RELN: variants seen among roughly 807,000 people sequenced by gnomAD.
RELN encodes reelin.
Under a neutral mutation model 427.6 loss-of-function variants are expected in RELN, and 108 were observed. The ratio of observed to expected loss-of-function variants is 0.25; its 90% CI spans 0.22 to 0.30. RELN has a LOEUF of 0.30. Among genes scored for constraint, RELN ranks in the 10% least tolerant of loss-of-function variants. RELN has a pLI of 1.00. For synonymous variants in RELN, 1,524 were observed against 1,513.4 expected (o/e 1.01, Z -0.16); for missense variants, 3,715 against 4,302.8 (o/e 0.86, Z 3.82).
chr7:103,568,562 C>G (rs577533794), intron 31 of RELN, among the ~76,000 whole-genome samples: 1 of 152,108 alleles, frequency 6.6e-6, no homozygotes, highest in Non-Finnish European at 1.5e-5. Flanking sequence ...AAAATGGAAG[C>G]AAGGCTGTTT....
chr7:103,495,793 T>G lies in RELN; in HGVS notation c.9299A>C (p.Lys3100Thr), dbSNP rs765069689. The change falls in exon 57 of 65, where the codon AAG becomes ACG. Residue 3100 changes from lysine to threonine, a missense_variant. Transcript: ENST00000428762. ...GGAGAGAGCATTGTGAGTCTTGTCC[T>G]TCTTTTTATTTGGCCAATAGAGGTG... ...SFHLYWPNKK[K>T]DKTHNALSSR... The G allele has an allele frequency of 6.2e-7, 1 of 1,613,742 alleles. No homozygotes were observed.
At chr7:103,840,170 T>C (rs1470331835) in intron 2 of RELN, among the ~76,000 whole-genome samples, 6 of 152,206 alleles carry the variant, frequency 3.9e-5, no homozygotes, top group Admixed American at 3.9e-4. Flanking sequence ...TCTCAGGTAG[T>C]TCTTTATAGC....
In RELN at chr7:103,698,051, A is replaced by G. The variant is rs1160162773; in HGVS notation, c.945T>C (p.Leu315=). 1 of 1,613,796 alleles carries G rather than the reference A, an allele frequency of 6.2e-7. No individual in the cohort carries two copies. The highest frequency in any genetic ancestry group is 1.1e-5 in the South Asian group (1 of 91,086). ...CATTCTCCCCTTTGGCGTCCTCAGG[A>G]AGGTAGAGGATATGGATGATTGTGC... ...NVSTIIHILY[L]PEDAKGENVQ... Residue 315 remains leucine (L), a synonymous_variant, in exon 10 of 65, where the codon CTT becomes CTC. Coordinates refer to ENST00000428762, the MANE Select transcript of RELN (RefSeq NM_005045.4).
At chr7:103,961,121 C>T (rs1259974798) in intron 1 of RELN, among the ~76,000 whole-genome samples, 1 of 152,214 alleles carries the variant, frequency 6.6e-6, no homozygotes, top group Non-Finnish European at 1.5e-5. Flanking sequence ...GTAGACATGC[C>T]TGTTATAGGT....
intron 1 of RELN, among the ~76,000 whole-genome samples, chr7:103,977,208 G>A (rs558157119): frequency 6.6e-6 from 1 of 151,486 alleles, no homozygotes; most frequent in South Asian, 2.1e-4. Flanking sequence ...CTACTTGGGA[G>A]GCTGAGGCAG....
chr7:103,902,806 T>G lies in RELN; in HGVS notation c.337+14269A>C, dbSNP rs189782368. On this transcript the variant is annotated intron_variant, in intron 2 of 64. Coordinates refer to ENST00000428762, the MANE Select transcript of RELN (RefSeq NM_005045.4). ...CTCTCATTTGGTGAAGTGTCTTTAT[T>G]GGACTCCTACATCTACTTTCAAATT... Among the ~76,000 whole-genome samples the G allele has an allele frequency of 1.5e-3, 231 of 152,258 alleles. 1 individual carries two copies. The highest frequency in any genetic ancestry group is 3.4e-3 in the Middle Eastern group (1 of 294).
At chr7:103,753,991 G>T (rs1361699328) in intron 4 of RELN, among the ~76,000 whole-genome samples, 1 of 152,026 alleles carries the variant, frequency 6.6e-6, no homozygotes, top group Non-Finnish European at 1.5e-5. Flanking sequence ...GGTGGATCTG[G>T]ACATTAAAGG....
intron 2 of RELN, among the ~76,000 whole-genome samples, chr7:103,841,235 A>C (rs1793544391): frequency 6.6e-6 from 1 of 152,206 alleles, no homozygotes; most frequent in Admixed American, 6.5e-5. Flanking sequence ...TATTGTGTAC[A>C]AACATCTTAA....
intron 20 of RELN, among the ~76,000 whole-genome samples, chr7:103,627,530 C>A (rs1348315259): frequency 6.6e-6 from 1 of 152,060 alleles, no homozygotes; most frequent in Non-Finnish European, 1.5e-5. Context: ...TGTTGTTTCA[C>A]TTTAATGAGA....
At chr7:103,712,321 G>C (rs1407203115) in intron 8 of RELN, among the ~76,000 whole-genome samples, 1 of 152,136 alleles carries the variant, frequency 6.6e-6, no homozygotes, top group Non-Finnish European at 1.5e-5. Flanking sequence ...CATCCCTCTT[G>C]AGTAGTTGGC....
intron 8 of RELN, among the ~76,000 whole-genome samples, chr7:103,720,118 T>A (rs1422153880): frequency 6.6e-6 from 1 of 151,588 alleles, no homozygotes; most frequent in African/African-American, 2.4e-5. Context: ...ACACATCAGA[T>A]ACACACATGT....
At chr7:103,670,767 G>C (rs1333845846) in intron 11 of RELN, among the ~76,000 whole-genome samples, 1 of 151,904 alleles carries the variant, frequency 6.6e-6, no homozygotes, top group Non-Finnish European at 1.5e-5. Context: ...AAAATATTAA[G>C]AATATGAACA....
Position 103,835,254 on chromosome 7 carries a change from G to A in RELN, c.338-1582C>T, listed in dbSNP as rs113968966. Reference sequence around the variant, plus strand: ...ACATTCTGGAAAAGGTAAAACTATGGAGACATTAAAAAGATCAGGAGTTGC... The same window carrying A: ...ACATTCTGGAAAAGGTAAAACTATGAAGACATTAAAAAGATCAGGAGTTGC... On this transcript the variant is annotated intron_variant, in intron 2 of 64. Coordinates refer to ENST00000428762, the MANE Select transcript of RELN (RefSeq NM_005045.4). Among the ~76,000 whole-genome samples the A allele has an allele frequency of 4.5e-4, 69 of 152,280 alleles. 3 individuals are homozygous for A. Among genetic ancestry groups the A allele is most frequent in the African/African-American group, 1.6e-3 (66 of 41,548 alleles).
chr7:103,604,658 T>C (rs1323376329), intron 22 of RELN, among the ~76,000 whole-genome samples, 175 bp from the exon 23 acceptor site: 5 of 152,244 alleles, frequency 3.3e-5, no homozygotes, highest in African/African-American at 1.2e-4. Flanking sequence ...AATTCTATCA[T>C]GAAAGAAAGT....
intron 59 of RELN, among the ~76,000 whole-genome samples, chr7:103,490,240 G>A (rs996142971): frequency 6.6e-6 from 1 of 152,172 alleles, no homozygotes; most frequent in African/African-American, 2.4e-5. Context: ...GCACTCCATT[G>A]TATTTATCCT....
At chr7:103,906,247 G>A (rs148837058) in intron 2 of RELN, among the ~76,000 whole-genome samples, 288 of 152,178 alleles carry the variant, frequency 1.9e-3, no homozygotes, top group African/African-American at 6.2e-3. Context: ...AGGTTGCAGG[G>A]CTCAGTCTGA....
At chr7:103,617,296 C>T (rs1410102441) in intron 20 of RELN, among the ~76,000 whole-genome samples, 2 of 151,796 alleles carry the variant, frequency 1.3e-5, no homozygotes, top group Non-Finnish European at 2.9e-5. Context: ...GAAAATATTC[C>T]CTTGCTTCAA....
intron 1 of RELN, among the ~76,000 whole-genome samples, chr7:103,956,430 T>G (rs1026361741): frequency 3.9e-5 from 6 of 152,194 alleles, no homozygotes; most frequent in African/African-American, 1.4e-4. Flanking sequence ...AACAAAATTT[T>G]AGAAACAGAC....
At chr7:103,829,870 TA>T (rs1793234148) in intron 3 of RELN, among the ~76,000 whole-genome samples, 1 of 152,038 alleles carries the variant, frequency 6.6e-6, no homozygotes, top group Non-Finnish European at 1.5e-5. Context: ...GGATTTTAAA[TA>T]GGTAACTAGG....
Sources: allele counts gnomAD v4.1 joint callset (sites outside exome capture counted in the v4.1 genomes callset), GRCh38; gene constraint gnomAD v4.1.1; transcripts MANE v1.5; gene names NCBI Gene and HGNC (gene_info 2026-07-23, HGNC 2026-07-21).